Variants in NR3C1 observed in about 807,000 individuals in gnomAD.
NR3C1 encodes glucocorticoid receptor.
In NR3C1, 14 loss-of-function variants were observed where a neutral mutation model predicts 74.0. That is an observed-to-expected ratio of 0.19 (90% CI 0.12 to 0.30). NR3C1 has a LOEUF of 0.30. Among genes scored for constraint, NR3C1 ranks in the 10% least tolerant of loss-of-function variants. The pLI is 1.00. For missense variants in NR3C1, 695 were observed against 909.8 expected, an observed-to-expected ratio of 0.76 and a Z score of 3.04; for synonymous variants, 308 against 332.5, an observed-to-expected ratio of 0.93 and a Z score of 0.80.
At chr5:143,321,907 C>G (rs1212210239) in intron 2 of NR3C1, among the ~76,000 whole-genome samples, 1 of 152,196 alleles carries the variant, frequency 6.6e-6, no homozygotes, top group Non-Finnish European at 1.5e-5. Flanking sequence ...TATCAATAAT[C>G]TCTTTTAGGT....
At chr5:143,366,478 CTA>C (rs1253109887) in intron 2 of NR3C1, among the ~76,000 whole-genome samples, 2 of 149,222 alleles carry the variant, frequency 1.3e-5, no homozygotes, top group Non-Finnish European at 3.0e-5. Flanking sequence ...CCACTGCACT[CTA>C]GACTGGGTGA....
At position 143,279,847 on chromosome 5, in the gene NR3C1, G is replaced by C. The variant is rs13306586; in HGVS notation, c.*2042C>G. 4 of 159,246 alleles carry C rather than the reference G, an allele frequency of 2.5e-5. No individual in the cohort carries two copies. The highest frequency in any genetic ancestry group is 9.6e-5 in the African/African-American group (4 of 41,478). The allele number at this position is 159,246 out of a possible 1,614,324, so 9.9% of individuals were successfully genotyped here. A position where few individuals can be genotyped will look rare whatever the true frequency, so the allele number is the denominator to read the frequency against. On this transcript the variant is annotated 3_prime_UTR_variant, in exon 9 of 9. Coordinates refer to ENST00000394464, the MANE Select transcript of NR3C1 (RefSeq NM_000176.3). ...GGAGGGCTGTATGTGAAAGTAACCC[G>C]CTATTAGATGGTGCCTTTAAGGATG...
chr5:143,365,413 A>G (rs930498231), intron 2 of NR3C1, among the ~76,000 whole-genome samples: 1 of 152,244 alleles, frequency 6.6e-6, no homozygotes, highest in Non-Finnish European at 1.5e-5. Flanking sequence ...GACTTAAGAT[A>G]AAAATTGTTC....
intron 4 of NR3C1, among the ~76,000 whole-genome samples, chr5:143,306,265 GGA>G (rs1370873844): frequency 6.6e-6 from 1 of 152,142 alleles, no homozygotes; most frequent in Admixed American, 6.5e-5. Flanking sequence ...TTACATTTAT[GGA>G]GAGACTTGGG....
chr5:143,373,425 G>T (rs988180840), intron 2 of NR3C1, among the ~76,000 whole-genome samples: 67 of 142,336 alleles, frequency 4.7e-4, no homozygotes, highest in Non-Finnish European at 8.7e-4. Flanking sequence ...AAACAATGTT[G>T]AGTTAAAAAA....
intron 2 of NR3C1, among the ~76,000 whole-genome samples, chr5:143,397,460 T>C (rs1036039574): frequency 1.7e-4 from 26 of 152,030 alleles, no homozygotes; most frequent in South Asian, 6.2e-4. Flanking sequence ...TTGGAAACAA[T>C]AGACTAATTC....
chr5:143,403,079 AG>A, intron 1 of NR3C1, 131 bp downstream of exon 1: 1 of 487,440 alleles, frequency 2.1e-6, no homozygotes, highest in Non-Finnish European at 2.6e-6. Flanking sequence ...GGCCCTTGCC[AG>A]CCCCCCACCC....
chr5:143,396,217 T>A (rs1302402929), intron 2 of NR3C1, among the ~76,000 whole-genome samples: 1 of 151,842 alleles, frequency 6.6e-6, no homozygotes, highest in Non-Finnish European at 1.5e-5. Flanking sequence ...GAATACACAG[T>A]GTGTTTTAAA....
chr5:143,295,705 A>G, intron 6 of NR3C1, 115 bp from the exon 7 acceptor site: 1 of 816,374 alleles, frequency 1.2e-6, no homozygotes, highest in Non-Finnish European at 2.1e-6. Context: ...CAACTACTGC[A>G]ATAATATTAT....
At chr5:143,350,305 G>A (rs1447306681) in intron 2 of NR3C1, among the ~76,000 whole-genome samples, 10 of 152,122 alleles carry the variant, frequency 6.6e-5, no homozygotes, top group Admixed American at 2.0e-4. Flanking sequence ...ATGGTAGCCT[G>A]GCTTAAGGTA....
chr5:143,295,253 C>T (rs1816922078), intron 7 of NR3C1: 3 of 985,214 alleles, frequency 3.0e-6, no homozygotes, highest in South Asian at 9.4e-5. Flanking sequence ...ATATACCTCT[C>T]TGTTTCTGCC....
chr5:143,373,759 T>C (rs1834646065), intron 2 of NR3C1, among the ~76,000 whole-genome samples: 1 of 152,038 alleles, frequency 6.6e-6, no homozygotes, highest in African/African-American at 2.4e-5. Context: ...AATTTACTAG[T>C]ATAGTCCTGC....
chr5:143,341,376 T>C lies in NR3C1; in HGVS notation c.1185-27208A>G, dbSNP rs1828190292. Among the ~76,000 whole-genome samples, 4 of 152,376 alleles carry C rather than the reference T, an allele frequency of 2.6e-5. No individual in the cohort carries two copies. The South Asian group carries it at 8.3e-4, about 32-fold the overall frequency. ...TGGCTTATAGCAAAAGGAGACATTC[T>C]ATTTAAGCAAAGTTATTAGAACAAT... On this transcript the variant is annotated intron_variant, in intron 2 of 8. Transcript: ENST00000394464.
intron 2 of NR3C1, among the ~76,000 whole-genome samples, chr5:143,394,271 G>A (rs909397090): frequency 2.0e-5 from 3 of 151,944 alleles, no homozygotes; most frequent in Non-Finnish European, 2.9e-5. Context: ...GATAAAATTC[G>A]GGGATAACAC....
At chr5:143,411,714 A>G (rs377438499) in intron 1 of NR3C1, among the ~76,000 whole-genome samples, 4 of 152,342 alleles carry the variant, frequency 2.6e-5, no homozygotes, top group South Asian at 4.1e-4. Context: ...TATGTGATAC[A>G]TATATGTAAA....
At chr5:143,332,911 T>C in intron 2 of NR3C1, 1 of 1,523,840 alleles carries the variant, frequency 6.6e-7, no homozygotes, top group Non-Finnish European at 9.0e-7. Flanking sequence ...GAACCTTATG[T>C]GACCTGGGGA....
At chr5:143,425,321 A>G (rs1751472587) in intron 1 of NR3C1, among the ~76,000 whole-genome samples, 1 of 152,192 alleles carries the variant, frequency 6.6e-6, no homozygotes, top group South Asian at 2.1e-4. Flanking sequence ...TGTTAGTTAC[A>G]ATACCAAAAG....
At position 143,279,418 on chromosome 5, in the gene NR3C1, A is replaced by G. The variant is rs2151465342; in HGVS notation, c.*2471T>C. On this transcript the variant is annotated 3_prime_UTR_variant, in exon 9 of 9. Coordinates refer to ENST00000394464, the MANE Select transcript of NR3C1 (RefSeq NM_000176.3). Reference sequence around the variant, plus strand: ...GTTTTAACCACATAACATTCTATAAAGGAATGATAATCTACGTTTTAGAAG... The same window carrying G: ...GTTTTAACCACATAACATTCTATAAGGGAATGATAATCTACGTTTTAGAAG... 1 of 1,524,162 alleles carries G rather than the reference A, an allele frequency of 6.6e-7. No individual in the cohort carries two copies. The allele number at this position is 1,524,162 out of a possible 1,614,324, so 94.4% of individuals were successfully genotyped here. A position where few individuals can be genotyped will look rare whatever the true frequency, so the allele number is the denominator to read the frequency against.
At chr5:143,336,210 C>G (rs1410976345) in intron 2 of NR3C1, among the ~76,000 whole-genome samples, 1 of 152,158 alleles carries the variant, frequency 6.6e-6, no homozygotes, top group Non-Finnish European at 1.5e-5. Flanking sequence ...CTGTTGTTCA[C>G]ATGATAATTC....
Sources: allele counts gnomAD v4.1 joint callset (sites outside exome capture counted in the v4.1 genomes callset), GRCh38; gene constraint gnomAD v4.1.1; transcripts MANE v1.5; gene names NCBI Gene and HGNC (gene_info 2026-07-23, HGNC 2026-07-21).